CUX1: variants seen among roughly 807,000 people sequenced by gnomAD.
CUX1 encodes protein CASP.
A neutral mutation model predicts 158.8 loss-of-function variants in CUX1; 31 were observed. That is an observed-to-expected ratio of 0.20 (90% CI 0.15 to 0.26). The LOEUF (loss-of-function observed/expected upper bound fraction) is 0.26. Among genes scored for constraint, CUX1 ranks in the 10% least tolerant of loss-of-function variants. The pLI, the probability that CUX1 is intolerant of heterozygous loss-of-function variation, is 1.00. For missense variants in CUX1, 1,589 were observed against 2,014.6 expected (o/e 0.79, Z 4.04); for synonymous variants, 879 against 862.1 (o/e 1.02, Z -0.34).
intron 1 of CUX1, among the ~76,000 whole-genome samples, chr7:101,821,523 A>G (rs1195610600): frequency 6.9e-6 from 1 of 144,124 alleles, no homozygotes; most frequent in Non-Finnish European, 1.5e-5. Flanking sequence ...TATTTTTAGT[A>G]GAGACGGGGT....
chr7:102,170,938 T>C (rs1359594720), intron 10 of CUX1, among the ~76,000 whole-genome samples: 1 of 134,456 alleles, frequency 7.4e-6, no homozygotes, highest in African/African-American at 2.7e-5. Context: ...GCTGTGCCTT[T>C]CCAAGATGAG....
intron 11 of CUX1, chr7:102,187,125 T>A (rs1463696107): frequency 6.6e-6 from 1 of 152,052 alleles, no homozygotes; most frequent in African/African-American, 2.4e-5. Context: ...CCTAAAACCT[T>A]CCAATTAGGG....
intron 2 of CUX1, among the ~76,000 whole-genome samples, chr7:102,009,151 T>G (rs1358535758): frequency 2.6e-5 from 4 of 152,206 alleles, no homozygotes; most frequent in African/African-American, 9.6e-5. Context: ...AGAGTTTGGA[T>G]TGTAGCCAGA....
chr7:102,225,171 C>T (rs1030260439), intron 20 of CUX1, among the ~76,000 whole-genome samples: 2 of 152,178 alleles, frequency 1.3e-5, no homozygotes, highest in African/African-American at 2.4e-5. Flanking sequence ...ACGCTTGTCT[C>T]TTCTACATCT....
intron 9 of CUX1, 127 bp downstream of exon 9, chr7:102,158,735 G>A (rs955654702): frequency 2.7e-5 from 22 of 812,224 alleles, no homozygotes; most frequent in African/African-American, 1.0e-4. Flanking sequence ...AGCTTTCAAC[G>A]TCGATGCTCC....
chr7:102,083,908 T>A (rs1554479600), intron 4 of CUX1, among the ~76,000 whole-genome samples: 4 of 146,674 alleles, frequency 2.7e-5, no homozygotes, highest in African/African-American at 9.8e-5. Context: ...TATTATTATT[T>A]TTAATCTCGC....
At chr7:101,835,929 A>G (rs1049599967) in intron 1 of CUX1, among the ~76,000 whole-genome samples, 6 of 152,174 alleles carry the variant, frequency 3.9e-5, no homozygotes, top group African/African-American at 1.4e-4. Context: ...AGGTTTCACC[A>G]TGTTGGCCAA....
chr7:102,120,249 A>C (rs1454756093), intron 8 of CUX1, among the ~76,000 whole-genome samples: 6 of 152,190 alleles, frequency 3.9e-5, no homozygotes, highest in Non-Finnish European at 1.5e-5. Context: ...GCTGAAGTCC[A>C]CGATCCTATG....
At chr7:102,068,651 G>A (rs1200048165) in intron 3 of CUX1, among the ~76,000 whole-genome samples, 1 of 152,142 alleles carries the variant, frequency 6.6e-6, no homozygotes, top group East Asian at 1.9e-4. Flanking sequence ...TTAACAAACT[G>A]CCCGGTGGCT....
chr7:102,171,987 G>T (rs1288973495), intron 10 of CUX1, among the ~76,000 whole-genome samples: 1 of 152,322 alleles, frequency 6.6e-6, no homozygotes, highest in Admixed American at 6.5e-5. Context: ...GTAAGATGAG[G>T]CTGGTTGCAG....
chr7:102,002,795 C>T (rs1444124347), intron 2 of CUX1, among the ~76,000 whole-genome samples: 2 of 152,296 alleles, frequency 1.3e-5, no homozygotes, highest in Non-Finnish European at 2.9e-5. Context: ...TCCCTAGCAC[C>T]GTATCTGTGT....
intron 14 of CUX1, among the ~76,000 whole-genome samples, chr7:102,263,574 C>G (rs1790574863): frequency 6.6e-6 from 1 of 152,096 alleles, no homozygotes; most frequent in South Asian, 2.1e-4. Flanking sequence ...CTTCAGCCTC[C>G]CATAGTGCTG....
At chr7:101,928,844 G>T (rs916992910) in intron 2 of CUX1, among the ~76,000 whole-genome samples, 2 of 149,130 alleles carry the variant, frequency 1.3e-5, no homozygotes, top group African/African-American at 2.5e-5. Flanking sequence ...CTAATTTTTT[G>T]TATTTTTAGT....
At chr7:102,136,577 G>A (rs1197332667) in intron 8 of CUX1, among the ~76,000 whole-genome samples, 9 of 152,108 alleles carry the variant, frequency 5.9e-5, no homozygotes, top group African/African-American at 2.2e-4. Context: ...TTTTAATGGA[G>A]ACGGGGTTTC....
chr7:101,821,684 T>C (rs1396545834), intron 1 of CUX1, among the ~76,000 whole-genome samples: 9 of 114,440 alleles, frequency 7.9e-5, no homozygotes, highest in Admixed American at 1.7e-4. Flanking sequence ...TTTTTTTTTT[T>C]TTTTTTTTTT....
At chr7:101,914,407 C>G (rs951765942) in intron 1 of CUX1, among the ~76,000 whole-genome samples, 10 of 132,212 alleles carry the variant, frequency 7.6e-5, no homozygotes, top group African/African-American at 2.8e-4. Flanking sequence ...TCCCTCCCTC[C>G]CTCCCTCTTT....
chr7:101,841,104 A>G (rs1403489012), intron 1 of CUX1, among the ~76,000 whole-genome samples: 1 of 152,044 alleles, frequency 6.6e-6, no homozygotes, highest in Non-Finnish European at 1.5e-5. Context: ...CGTGTTAGGC[A>G]GGATGGTCTC....
At chr7:102,149,351 C>T (rs116175301) in intron 8 of CUX1, among the ~76,000 whole-genome samples, 2,248 of 152,262 alleles carry the variant, frequency 0.015, 53 homozygotes, top group African/African-American at 0.052. Context: ...TCGCTGGTGG[C>T]TGCCATTTCC....
At chr7:101,915,419 G>A (rs955399122) in intron 1 of CUX1, among the ~76,000 whole-genome samples, 17 of 152,182 alleles carry the variant, frequency 1.1e-4, no homozygotes, top group Admixed American at 3.3e-4. Context: ...CAGCGTTCCC[G>A]CGCAAGTAAT....
Sources: gnomAD v4.1 joint callset for allele counts (sites outside exome capture counted in the v4.1 genomes callset) on GRCh38, gnomAD v4.1.1 for gene constraint, MANE v1.5 for transcripts, NCBI Gene and HGNC (gene_info 2026-07-23, HGNC 2026-07-21) for gene names.